BAZ1B: variants seen among roughly 807,000 people sequenced by gnomAD.
BAZ1B encodes bromodomain adjacent to zinc finger domain 1B.
Under a neutral mutation model 153.8 loss-of-function variants are expected in BAZ1B, and 22 were observed. The observed-to-expected ratio is 0.14, with a 90% CI of 0.10 to 0.20. The LOEUF (loss-of-function observed/expected upper bound fraction) is 0.20, where lower values mean the gene tolerates loss of function less well. Ranked by LOEUF, BAZ1B falls within the 10% of genes least tolerant of loss-of-function variation. The pLI is 1.00. For missense variants in BAZ1B, 1,325 were observed against 1,799.3 expected, an observed-to-expected ratio of 0.74 and a Z score of 4.77; for synonymous variants, 676 against 633.4, an observed-to-expected ratio of 1.07 and a Z score of -1.01.
intron 1 of BAZ1B, among the ~76,000 whole-genome samples, chr7:73,514,784 T>C (rs1274097361): frequency 6.6e-6 from 1 of 151,612 alleles, no homozygotes; most frequent in African/African-American, 2.4e-5. Flanking sequence ...GGAGACTGTC[T>C]AAAAAAAGAA....
At chr7:73,494,730 C>G (rs1291406034) in intron 4 of BAZ1B, among the ~76,000 whole-genome samples, 1 of 152,158 alleles carries the variant, frequency 6.6e-6, no homozygotes, top group Non-Finnish European at 1.5e-5. Flanking sequence ...GCCTAGACAA[C>G]AGAGCAAGAC....
At chr7:73,454,571 C>A (rs1458548711) in intron 13 of BAZ1B, among the ~76,000 whole-genome samples, 1 of 152,206 alleles carries the variant, frequency 6.6e-6, no homozygotes, top group Non-Finnish European at 1.5e-5. Context: ...AGCAGACTCA[C>A]TCTATGTAAA....
rs558656491 is a variant in BAZ1B at position 73,442,825 on chromosome 7, G to A, written c.3994C>T (p.Leu1332Phe). 1 of 1,611,992 alleles carries A rather than the reference G, an allele frequency of 6.2e-7. No homozygotes were observed. The highest frequency in any genetic ancestry group is 2.2e-5 in the East Asian group (1 of 44,832). ...VDDAEVDELV[L>F]QTKRSSRRQS... ...CTCCGGGAGCTCCGCTTGGTCTGAA[G>A]CACCTGGCAGGAAAGAAAGAACAAT... is the stretch of plus-strand genomic sequence containing the variant. The change falls in exon 18 of 20, where the codon CTT becomes TTT. Residue 1332 changes from leucine (L) to phenylalanine (F), a missense_variant. Leu to Phe is a conservative substitution (Grantham distance 22). Around this residue, in one of 9 missense-constraint regions of BAZ1B, gnomAD observed 271 missense variants for 337.2 expected, o/e 0.80. Coordinates refer to ENST00000339594, the MANE Select transcript of BAZ1B (RefSeq NM_032408.4).
At chr7:73,521,800 C>T in intron 1 of BAZ1B, 27 bp downstream of exon 1, 1 of 1,481,916 alleles carries the variant, frequency 6.7e-7, no homozygotes, top group Middle Eastern at 1.8e-4. Context: ...CCGGCCCAGC[C>T]CGGCCCGCGC....
chr7:73,468,598 G>A (rs910534527), intron 9 of BAZ1B, among the ~76,000 whole-genome samples: 1 of 152,022 alleles, frequency 6.6e-6, no homozygotes, highest in Non-Finnish European at 1.5e-5. Flanking sequence ...TTCAGTGTGT[G>A]TTTCTTTTAC....
At chr7:73,488,507 G>A (rs1019223814) in intron 6 of BAZ1B, among the ~76,000 whole-genome samples, 4 of 151,930 alleles carry the variant, frequency 2.6e-5, no homozygotes, top group East Asian at 3.9e-4. Flanking sequence ...CGAGGCAGGC[G>A]GATCACTTGA....
At chr7:73,515,960 C>T (rs1177446798) in intron 1 of BAZ1B, among the ~76,000 whole-genome samples, 1 of 152,068 alleles carries the variant, frequency 6.6e-6, no homozygotes, top group African/African-American at 2.4e-5. Context: ...GCCTGGCCAA[C>T]ACGGTGAAAC....
In BAZ1B at chr7:73,484,244, G is replaced by A. The variant is rs7781494; in HGVS notation, c.891+4950C>T. 6.4e-3 allele frequency among the ~76,000 whole-genome samples: 975 copies of A among 151,628 alleles called. 10 individuals carry two copies. The highest frequency in any genetic ancestry group is 0.023 in the African/African-American group (932 of 41,298). Reference sequence around the variant, plus strand: ...CTGCACCACTGCACTCCAGCCTGGCGACAGAGCGAGACTCTGTCAAAGGAA... The same window carrying A: ...CTGCACCACTGCACTCCAGCCTGGCAACAGAGCGAGACTCTGTCAAAGGAA... On this transcript the variant is annotated intron_variant, in intron 6 of 19. Transcript: ENST00000339594.
chr7:73,470,244 G>C (rs1788746982), intron 8 of BAZ1B, 101 bp downstream of exon 8: 1 of 1,266,918 alleles, frequency 7.9e-7, no homozygotes, highest in Non-Finnish European at 1.1e-6. Context: ...TTGGAAAACT[G>C]AAGAGAGAAG....
chr7:73,497,162 C>T (rs1046909150), intron 4 of BAZ1B, among the ~76,000 whole-genome samples: 2 of 150,264 alleles, frequency 1.3e-5, no homozygotes, highest in South Asian at 2.1e-4. Flanking sequence ...AGGATCGCTT[C>T]GGCCAGGAAT....
chr7:73,464,472 T>C lies in BAZ1B; in HGVS notation c.3071+967A>G, dbSNP rs1379806252. Among the ~76,000 whole-genome samples, 4 of 152,218 alleles carry C rather than the reference T, an allele frequency of 2.6e-5. No individual in the cohort carries two copies. In the South Asian group the frequency reaches 8.3e-4, roughly 31 times the overall value. On this transcript the variant is annotated intron_variant, in intron 11 of 19. Coordinates refer to ENST00000339594, the MANE Select transcript of BAZ1B (RefSeq NM_032408.4). ...CCCCAAGCAGGAATCTCTTACCTGT[T>C]AGCAATCATCACTCCTATTCTCCCC...
intron 16 of BAZ1B, 139 bp downstream of exon 16, chr7:73,447,125 T>TAA: frequency 6.7e-7 from 1 of 1,495,014 alleles, no homozygotes; most frequent in Non-Finnish European, 9.1e-7. Flanking sequence ...CCATGGCAGC[T>TAA]AAGTTACGCC....
At chr7:73,491,143 G>A (rs536196384) in intron 5 of BAZ1B, among the ~76,000 whole-genome samples, 15 of 151,852 alleles carry the variant, frequency 9.9e-5, no homozygotes, top group South Asian at 2.1e-4. Context: ...AAACTTAGCC[G>A]GGCACGGTGG....
At chr7:73,508,651 G>C (rs950223502) in intron 2 of BAZ1B, among the ~76,000 whole-genome samples, 180 bp from the exon 3 acceptor site, 8 of 152,200 alleles carry the variant, frequency 5.3e-5, no homozygotes, top group African/African-American at 1.9e-4. Flanking sequence ...TCCTGGGCTC[G>C]AACAATCCTC....
At chr7:73,444,402 TG>T (rs753685796) in intron 16 of BAZ1B, among the ~76,000 whole-genome samples, 2 of 152,218 alleles carry the variant, frequency 1.3e-5, no homozygotes, top group African/African-American at 4.8e-5. Flanking sequence ...TGCCCCGTCC[TG>T]CAGTTACTCC....
intron 4 of BAZ1B, among the ~76,000 whole-genome samples, chr7:73,497,084 C>CAAAAAAAAAAAA (rs71071939): frequency 8.9e-6 from 1 of 112,248 alleles, no homozygotes; most frequent in African/African-American, 4.0e-5. Context: ...AAAAAAAAAA[C>CAAAAAAAAAAAA]CTACAAAAAT....
chr7:73,459,022 G>A (rs144894530), intron 13 of BAZ1B, among the ~76,000 whole-genome samples: 22 of 152,242 alleles, frequency 1.4e-4, no homozygotes, highest in South Asian at 1.2e-3. Context: ...GCCGAAGCGG[G>A]TAGATCACAA....
At chr7:73,517,328 T>C (rs539146779) in intron 1 of BAZ1B, among the ~76,000 whole-genome samples, 1 of 151,884 alleles carries the variant, frequency 6.6e-6, no homozygotes, top group South Asian at 2.1e-4. Flanking sequence ...CCTCGTCTCG[T>C]CTCTACAAAA....
At chr7:73,482,413 T>C (rs1789237815) in intron 6 of BAZ1B, among the ~76,000 whole-genome samples, 1 of 152,212 alleles carries the variant, frequency 6.6e-6, no homozygotes, top group Admixed American at 6.5e-5. Context: ...CCTTCTTCAG[T>C]CAGCCTTGGA....
Sources: allele counts gnomAD v4.1 joint callset (sites outside exome capture counted in the v4.1 genomes callset), GRCh38; gene constraint gnomAD v4.1.1; regional missense constraint gnomAD v4.1.1; transcripts MANE v1.5; gene names NCBI Gene and HGNC (gene_info 2026-07-23, HGNC 2026-07-21).